Variants in SUMF1 observed in about 807,000 individuals in gnomAD.
SUMF1 encodes formylglycine-generating enzyme.
A neutral mutation model predicts 47.6 loss-of-function variants in SUMF1; 48 were observed. The ratio of observed to expected loss-of-function variants is 1.01; its 90% CI spans 0.80 to 1.28. The LOEUF (loss-of-function observed/expected upper bound fraction) is 1.28, where lower values mean the gene tolerates loss of function less well. Among genes scored for constraint, SUMF1 ranks in the 50% most tolerant of loss-of-function variants. The probability of loss-of-function intolerance (pLI) is 0.00; values close to 1 mark genes in which losing one functional copy is unlikely to be tolerated. For synonymous variants in SUMF1, 230 were observed against 192.1 expected, an observed-to-expected ratio of 1.20 and a Z score of -1.63; for missense variants, 571 against 485.4, an observed-to-expected ratio of 1.18 and a Z score of -1.66.
chr3:4,415,803 A>T lies in SUMF1; in HGVS notation c.840+1325T>A, dbSNP rs2125026804. Among the ~76,000 whole-genome samples the T allele has an allele frequency of 2.0e-5, 3 of 152,194 alleles. No homozygotes were observed. In the South Asian group the frequency reaches 6.2e-4, roughly 32 times the overall value. ...ACTACAGCCTGAGTGACAGAGTGAG[A>T]CTCCATCTCAAAAATAAATAAATAA... On this transcript the variant is annotated intron_variant, in intron 6 of 8. Transcript: ENST00000272902.
intron 8 of SUMF1, among the ~76,000 whole-genome samples, chr3:4,235,418 G>C (rs1165593653): frequency 6.6e-6 from 1 of 151,988 alleles, no homozygotes; most frequent in Non-Finnish European, 1.5e-5. Flanking sequence ...ACAGATTTGG[G>C]AGTCACCAGC....
rs1175012209 is a variant in SUMF1, at chr3:4,267,992, TCCA to T, written c.1014+108335_1014+108337del. On this transcript the variant is annotated intron_variant and NMD_transcript_variant, in intron 8 of 12. Coordinates refer to the SUMF1 transcript ENST00000448413. ...CAAAGACTTGGAACCAACCCAAATG[TCCA>T]ACAATGATAGACTGGATTAAGAAAA... Among the ~76,000 whole-genome samples, 8 of 127,384 alleles carry T rather than the reference TCCA, an allele frequency of 6.3e-5. No homozygotes were observed. The South Asian group carries it at 1.8e-3, about 29-fold the overall frequency. The allele number at this position is 127,384 out of a possible 152,430, so 83.6% of individuals were successfully genotyped here.
In SUMF1 at chr3:4,428,743, G is replaced by A. The variant is rs562091900; in HGVS notation, c.520-8597C>T. Among the ~76,000 whole-genome samples, 3 of 145,260 alleles carry A rather than the reference G, an allele frequency of 2.1e-5. No individual in the cohort carries two copies. In the South Asian group the frequency reaches 6.8e-4, roughly 33 times the overall value. On this transcript the variant is annotated intron_variant, in intron 3 of 8. Coordinates refer to ENST00000272902, the MANE Select transcript of SUMF1 (RefSeq NM_182760.4). ...AGTTTTAGTTTTTTCTTTTAATGGA[G>A]CTAAGACTTAATTTTACATTGAAAA...
At chr3:4,443,518 C>G (rs955530408) in intron 3 of SUMF1, among the ~76,000 whole-genome samples, 1 of 152,080 alleles carries the variant, frequency 6.6e-6, no homozygotes, top group African/African-American at 2.4e-5. Context: ...AATATCAGCA[C>G]TTTGGGAGGC....
At chr3:4,300,777 T>C (rs1013399787) in intron 8 of SUMF1, among the ~76,000 whole-genome samples, 19 of 152,210 alleles carry the variant, frequency 1.2e-4, no homozygotes, top group African/African-American at 4.3e-4. Flanking sequence ...ATCCCATTGC[T>C]TCACTATCCT....
chr3:4,175,713 C>T (rs1694944748), intron 8 of SUMF1, among the ~76,000 whole-genome samples: 1 of 152,160 alleles, frequency 6.6e-6, no homozygotes, highest in Non-Finnish European at 1.5e-5. Context: ...AAGTAGGCTT[C>T]AGAAGGTCAG....
At chr3:4,274,962 G>A (rs1010718558) in intron 8 of SUMF1, among the ~76,000 whole-genome samples, 1 of 152,080 alleles carries the variant, frequency 6.6e-6, no homozygotes, top group African/African-American at 2.4e-5. Flanking sequence ...TGTCAAACAG[G>A]CCTGATGAAG....
At chr3:4,342,320 G>A (rs1699288147) in intron 8 of SUMF1, among the ~76,000 whole-genome samples, 2 of 152,200 alleles carry the variant, frequency 1.3e-5, no homozygotes, top group Non-Finnish European at 1.5e-5. Flanking sequence ...ATCACTTGAG[G>A]TCAGGAGTTC....
intron 8 of SUMF1, among the ~76,000 whole-genome samples, chr3:4,271,925 C>A (rs1287627793): frequency 6.6e-6 from 1 of 152,162 alleles, no homozygotes; most frequent in Non-Finnish European, 1.5e-5. Flanking sequence ...TCCTACATAG[C>A]CTCTGGTTGA....
At chr3:4,457,606 A>G (rs899813535) in intron 1 of SUMF1, among the ~76,000 whole-genome samples, 4 of 152,188 alleles carry the variant, frequency 2.6e-5, no homozygotes, top group African/African-American at 9.7e-5. Context: ...CCATCATCTG[A>G]TTTTCAACAA....
chr3:4,319,184 G>C (rs1048773622), intron 8 of SUMF1, among the ~76,000 whole-genome samples: 7 of 152,312 alleles, frequency 4.6e-5, no homozygotes, highest in South Asian at 2.1e-4. Flanking sequence ...AGCCTCTTTA[G>C]AAGACAGTTT....
At chr3:4,420,187 T>A (rs748633097) in intron 3 of SUMF1, 41 bp from the exon 4 acceptor site, 1 of 1,516,542 alleles carries the variant, frequency 6.6e-7, no homozygotes, top group African/African-American at 1.4e-5. Flanking sequence ...GCTACTAACA[T>A]CAACTCTAGA....
rs1491141763 is a variant in SUMF1 at position 4,456,879 on chromosome 3, T to TAC, written c.271-3831_271-3830insGT. ...ATATATATGTGTGTGTATATCTATATGTGTGTGTATATATATGTGTGTGTA... is the reference window on the plus strand; with the variant it reads ...ATATATATGTGTGTGTATATCTATATACGTGTGTGTATATATATGTGTGTGTA... On this transcript the variant is annotated intron_variant, in intron 1 of 8. Transcript: ENST00000272902. 5.8e-3 allele frequency among the ~76,000 whole-genome samples: 609 copies of TAC among 105,034 alleles called. 46 individuals carry two copies. The highest frequency in any genetic ancestry group is 0.02 in the African/African-American group (569 of 28,274). 68.9% of individuals were successfully genotyped at this position (105,034 alleles called of 152,430 possible).
chr3:4,342,859 C>G (rs1256750401), intron 8 of SUMF1, among the ~76,000 whole-genome samples: 1 of 152,188 alleles, frequency 6.6e-6, no homozygotes, highest in African/African-American at 2.4e-5. Flanking sequence ...CTAAAGTCTC[C>G]AGGCAGAATT....
intron 8 of SUMF1, among the ~76,000 whole-genome samples, chr3:4,182,886 A>C (rs1283780335): frequency 6.6e-6 from 1 of 152,114 alleles, no homozygotes; most frequent in Non-Finnish European, 1.5e-5. Context: ...ATGGGGAAAG[A>C]GGGTAAGTTG....
At chr3:4,164,608 C>T (rs1275073791) in intron 8 of SUMF1, among the ~76,000 whole-genome samples, 1 of 152,182 alleles carries the variant, frequency 6.6e-6, no homozygotes, top group Non-Finnish European at 1.5e-5. Context: ...TTTCTGTCCT[C>T]TCTGAACCAC....
chr3:4,185,743 G>T (rs1297214847), intron 8 of SUMF1, among the ~76,000 whole-genome samples: 2 of 152,170 alleles, frequency 1.3e-5, no homozygotes, highest in African/African-American at 4.8e-5. Flanking sequence ...TTTTATAAAA[G>T]ATTAATAAAG....
At chr3:4,223,281 A>C (rs1353313433) in intron 8 of SUMF1, among the ~76,000 whole-genome samples, 1 of 152,134 alleles carries the variant, frequency 6.6e-6, no homozygotes, top group African/African-American at 2.4e-5. Flanking sequence ...AGACAGGTTC[A>C]AGTTTGAATG....
intron 8 of SUMF1, among the ~76,000 whole-genome samples, chr3:4,262,540 C>G (rs763125273): frequency 1.6e-4 from 25 of 152,104 alleles, no homozygotes; most frequent in Non-Finnish European, 3.5e-4. Context: ...GAATGTGATC[C>G]CTCTCTGGCT....
Sources: allele counts gnomAD v4.1 joint callset (sites outside exome capture counted in the v4.1 genomes callset), GRCh38; gene constraint gnomAD v4.1.1; transcripts MANE v1.5; gene names NCBI Gene and HGNC (gene_info 2026-07-23, HGNC 2026-07-21).